NCAM1: variants seen among roughly 807,000 people sequenced by gnomAD.
NCAM1 encodes antigen recognized by monoclonal antibody 5.1H11.
NCAM1 carries 14 observed loss-of-function variants against 109.8 expected under a neutral mutation model. The ratio of observed to expected loss-of-function variants is 0.13; its 90% CI spans 0.08 to 0.20. The LOEUF is 0.20. Among genes scored for constraint, NCAM1 ranks in the 10% least tolerant of loss-of-function variants. The probability of loss-of-function intolerance (pLI) is 1.00; values close to 1 mark genes in which losing one functional copy is unlikely to be tolerated. For synonymous variants in NCAM1, 418 were observed against 442.9 expected (o/e 0.94, Z 0.70); for missense variants, 774 against 1,109.9 (o/e 0.70, Z 4.30).
Position 113,077,834 on chromosome 11 carries a change from A to G in NCAM1, c.52+116170A>G, listed in dbSNP as rs769816334. On this transcript the variant is annotated intron_variant, in intron 1 of 19. Coordinates refer to ENST00000316851, the MANE Select transcript of NCAM1 (RefSeq NM_181351.5). ...CCTGAGTAGCTGGGATTACAGGCTC[A>G]GGCCACCATGCATGACTAATTTTTG... Among the ~76,000 whole-genome samples, 4 of 151,840 alleles carry G rather than the reference A, an allele frequency of 2.6e-5. 1 individual carries two copies. The highest frequency in any genetic ancestry group is 2.6e-4 in the Admixed American group (4 of 15,250).
Position 113,112,507 on chromosome 11 carries a change from A to G in NCAM1, c.53-89872A>G, listed in dbSNP as rs112948438. Among the ~76,000 whole-genome samples, 3 of 152,280 alleles carry G rather than the reference A, an allele frequency of 2.0e-5. 1 individual carries two copies. Among genetic ancestry groups the G allele is most frequent in the African/African-American group, 7.2e-5 (3 of 41,564 alleles). ...TGCCAGACAGAACACTTGATTTACC[A>G]TTGTCATGAAGTCACCGTGCCACCG... On this transcript the variant is annotated intron_variant, in intron 1 of 19. Coordinates refer to ENST00000316851, the MANE Select transcript of NCAM1 (RefSeq NM_181351.5).
At chr11:113,236,198 T>C (rs571807706) in intron 14 of NCAM1, 2 of 1,201,446 alleles carry the variant, frequency 1.7e-6, no homozygotes, top group Admixed American at 4.0e-5. Flanking sequence ...CAGCTCCATG[T>C]GCTCTGCGGA....
In NCAM1 at chr11:113,049,314, C is replaced by T. The variant is rs12281991; in HGVS notation, c.52+87650C>T. Among the ~76,000 whole-genome samples the T allele has an allele frequency of 9.7e-3, 1,472 of 152,272 alleles. 19 individuals carry two copies. Among genetic ancestry groups the T allele is most frequent in the African/African-American group, 0.033 (1,373 of 41,552 alleles). ...CCTTCACTCCAAGCTGTGATTCATC[C>T]CGGGCCTGATTCATCCTGATCTTAG... is the stretch of plus-strand genomic sequence containing the variant. On this transcript the variant is annotated intron_variant, in intron 1 of 19. Transcript: ENST00000316851.
At chr11:113,187,674 G>A (rs1034699548) in intron 1 of NCAM1, among the ~76,000 whole-genome samples, 1 of 152,006 alleles carries the variant, frequency 6.6e-6, no homozygotes, top group Non-Finnish European at 1.5e-5. Flanking sequence ...CATGAAATGT[G>A]AAGCTATGTG....
chr11:113,270,337 G>A lies in NCAM1; in HGVS notation c.2281G>A (p.Gly761Arg), dbSNP rs782054065. 4 of 1,614,022 alleles carry A rather than the reference G, an allele frequency of 2.5e-6. No individual in the cohort carries two copies. The South Asian group carries it at 4.4e-5, about 18-fold the overall frequency. ...LFMCIAVNLC[G>R]KAGPGAKGKD... is the part of the protein sequence containing the mutation. Reference sequence around the variant, plus strand: ...CATGTGCATTGCGGTCAACCTGTGTGGAAAAGCCGGGCCCGGGGCCAAGGG... The same window carrying A: ...CATGTGCATTGCGGTCAACCTGTGTAGAAAAGCCGGGCCCGGGGCCAAGGG... The change falls in exon 18 of 20, where the codon GGA becomes AGA. Residue 761 changes from glycine (G) to arginine (R), a missense_variant. Physicochemically the swap from Gly to Arg is moderately radical, Grantham distance 125. Coordinates refer to ENST00000316851, the MANE Select transcript of NCAM1 (RefSeq NM_181351.5).
chr11:113,277,532 AG>A lies in NCAM1; in HGVS notation c.*2149del, dbSNP rs781945336. 2.5e-6 allele frequency: 1 copy of A among 398,128 alleles called. No individual in the cohort carries two copies. Among genetic ancestry groups the A allele is most frequent in the African/African-American group, 2.1e-5 (1 of 48,600 alleles). The allele number at this position is 398,128 out of a possible 1,614,324, so 24.7% of individuals were successfully genotyped here. A position where few individuals can be genotyped will look rare whatever the true frequency, so the allele number is the denominator to read the frequency against. On this transcript the variant is annotated 3_prime_UTR_variant, in exon 20 of 20. Transcript: ENST00000316851. ...CTGAGACCGGGAGGGCCCAGCAGTG[AG>A]GGGCAGGCTCTTCTGGTCACCAGGC...
intron 12 of NCAM1, 73 bp downstream of exon 12, chr11:113,232,887 C>G (rs140128371): frequency 1.5e-6 from 2 of 1,326,012 alleles, no homozygotes; most frequent in South Asian, 1.2e-5. Context: ...AATTTGTGTA[C>G]TTGAGTGATT....
intron 7 of NCAM1, among the ~76,000 whole-genome samples, chr11:113,210,379 A>G (rs1944353226): frequency 6.6e-6 from 1 of 152,098 alleles, no homozygotes; most frequent in Non-Finnish European, 1.5e-5. Context: ...CTGGATTCAA[A>G]CCGAGGCAGG....
intron 8 of NCAM1, 83 bp from the exon 9 acceptor site, chr11:113,221,213 A>C: frequency 7.3e-7 from 1 of 1,365,216 alleles, no homozygotes; most frequent in Non-Finnish European, 1.0e-6. Flanking sequence ...TGTGCACGGA[A>C]TGCAGTGTGA....
chr11:113,051,971 C>T lies in NCAM1; in HGVS notation c.52+90307C>T, dbSNP rs560828210. ...TGTGCTTAGCGTAAGTTCTAGGTAC[C>T]GCACTGGTCTTCCAGATGCAATGCT... is the stretch of plus-strand genomic sequence containing the variant. On this transcript the variant is annotated intron_variant, in intron 1 of 19. Coordinates refer to ENST00000316851, the MANE Select transcript of NCAM1 (RefSeq NM_181351.5). Among the ~76,000 whole-genome samples the T allele has an allele frequency of 1.5e-4, 23 of 152,294 alleles. 1 individual carries two copies. Among genetic ancestry groups the T allele is most frequent in the African/African-American group, 5.1e-4 (21 of 41,564 alleles).
intron 1 of NCAM1, among the ~76,000 whole-genome samples, chr11:113,124,211 G>C (rs1941085249): frequency 6.6e-6 from 1 of 152,204 alleles, no homozygotes; most frequent in Admixed American, 6.5e-5. Context: ...GTCTTCTCTA[G>C]ACTGAGAAGG....
chr11:113,186,162 T>C (rs1943502939), intron 1 of NCAM1, among the ~76,000 whole-genome samples: 1 of 152,196 alleles, frequency 6.6e-6, no homozygotes, highest in Non-Finnish European at 1.5e-5. Flanking sequence ...GGGCTGCAGA[T>C]TGGTACCAGG....
intron 1 of NCAM1, among the ~76,000 whole-genome samples, chr11:113,157,044 T>C (rs1942433463): frequency 6.6e-6 from 1 of 152,074 alleles, no homozygotes; most frequent in African/African-American, 2.4e-5. Flanking sequence ...ATTATTTTAA[T>C]TGTACCTCTT....
Position 113,271,851 on chromosome 11 carries a change from G to A in NCAM1, c.2431G>A (p.Glu811Lys). The A allele has an allele frequency of 6.4e-7, 1 of 1,570,962 alleles. No individual in the cohort carries two copies. Among genetic ancestry groups the A allele is most frequent in the Non-Finnish European group, 8.6e-7 (1 of 1,158,516 alleles). Residue 811 changes from glutamate (E) to lysine (K), a missense_variant, in exon 19 of 20, where the codon GAG becomes AAG. By Grantham distance (56) the Glu-to-Lys change is moderately conservative (BLOSUM62 1). Around this residue, in one of 4 missense-constraint regions of NCAM1, gnomAD observed 122 missense variants for 129.7 expected, o/e 0.94. Coordinates refer to ENST00000316851, the MANE Select transcript of NCAM1 (RefSeq NM_181351.5). ...TGGAGGGAAACACACAGAGCCCAAC[G>A]AGACCACGCCACTGACGGAGCCCGA... ...HDGGKHTEPN[E>K]TTPLTEPEKG... is the part of the protein sequence containing the mutation.
intron 1 of NCAM1, among the ~76,000 whole-genome samples, chr11:113,088,549 CTGATCAT>C (rs1555088719): frequency 0.053 from 553 of 10,342 alleles, 2 homozygotes; most frequent in African/African-American, 0.35. Flanking sequence ...AGCGATCTCA[CTGATCAT>C]TGGGTAAAAC....
chr11:113,165,376 G>A (rs1942755382), intron 1 of NCAM1, among the ~76,000 whole-genome samples: 1 of 152,112 alleles, frequency 6.6e-6, no homozygotes, highest in Non-Finnish European at 1.5e-5. Flanking sequence ...CTCCACTGTG[G>A]TCTCTGGGCT....
intron 1 of NCAM1, among the ~76,000 whole-genome samples, chr11:113,034,231 C>T (rs1478891445): frequency 6.6e-6 from 1 of 151,898 alleles, no homozygotes; most frequent in African/African-American, 2.4e-5. Flanking sequence ...AGTACCTGGG[C>T]AAAGAAACTC....
In NCAM1 at chr11:113,156,448, A is replaced by T. The variant is rs1942411460; in HGVS notation, c.53-45931A>T. On this transcript the variant is annotated intron_variant, in intron 1 of 19. Transcript: ENST00000316851. ...AAGTTAGTTGTGCGAATGACACACT[A>T]GAGCAGAGGAAGATAATGCCAATTG... 2.0e-5 allele frequency among the ~76,000 whole-genome samples: 3 copies of T among 152,212 alleles called. No homozygotes were observed. In the South Asian group the frequency reaches 6.2e-4, roughly 32 times the overall value.
chr11:113,118,680 A>G (rs1940815969), intron 1 of NCAM1, among the ~76,000 whole-genome samples: 1 of 151,952 alleles, frequency 6.6e-6, no homozygotes, highest in African/African-American at 2.4e-5. Context: ...AGTTTCGGTG[A>G]ATAGAATTGA....
Sources: gnomAD v4.1 joint callset for allele counts (sites outside exome capture counted in the v4.1 genomes callset) on GRCh38, gnomAD v4.1.1 for gene constraint, gnomAD v4.1.1 regional missense constraint, MANE v1.5 for transcripts, NCBI Gene and HGNC (gene_info 2026-07-23, HGNC 2026-07-21) for gene names.